Variants in SMOC2 observed in about 807,000 individuals in gnomAD.
SMOC2 encodes SPARC related modular calcium binding 2.
Under a neutral mutation model 61.4 loss-of-function variants are expected in SMOC2, and 39 were observed. The observed-to-expected ratio is 0.64, with a 90% CI of 0.49 to 0.83. The LOEUF is 0.83. SMOC2 is among the 40% of genes least tolerant of loss of function. The pLI, the probability that SMOC2 is intolerant of heterozygous loss-of-function variation, is 0.00. For synonymous variants in SMOC2, 247 were observed against 239.9 expected (o/e 1.03, Z -0.27); for missense variants, 556 against 592.9 (o/e 0.94, Z 0.65).
At chr6:168,562,345 C>T (rs1158704419) in intron 7 of SMOC2, among the ~76,000 whole-genome samples, 1,960 of 105,590 alleles carry the variant, frequency 0.019, no homozygotes, top group Non-Finnish European at 0.025. Context: ...ACTGTGTTCT[C>T]GGAGGAGGTG....
chr6:168,649,301 C>A (rs1787131922), intron 9 of SMOC2, among the ~76,000 whole-genome samples: 1 of 152,186 alleles, frequency 6.6e-6, no homozygotes, highest in Non-Finnish European at 1.5e-5. Context: ...GTGGTGTAAA[C>A]TCCCTTCCTG....
Position 168,608,164 on chromosome 6 carries a change from C to A in SMOC2, c.832C>A (p.Gln278Lys), listed in dbSNP as rs769226423. Reference sequence around the variant, plus strand: ...CCTTCCCCCCGCCCATAGGTACGAGCAGCCGAAATGTGACAACACGGCCAG... The same window carrying A: ...CCTTCCCCCCGCCCATAGGTACGAGAAGCCGAAATGTGACAACACGGCCAG... Reference protein sequence around the residue: ...PIPGTSTRYEQPKCDNTARAH... With the variant: ...PIPGTSTRYEKPKCDNTARAH... The change falls in exon 9 of 13, where the codon CAG becomes AAG. Residue 278 changes from glutamine (Q) to lysine (K), a missense_variant. Transcript: ENST00000356284. 4 of 1,613,582 alleles carry A rather than the reference C, an allele frequency of 2.5e-6. No homozygotes were observed. In the Admixed American group the frequency reaches 6.7e-5, roughly 27 times the overall value.
chr6:168,470,308 T>C (rs1781942179), intron 1 of SMOC2, among the ~76,000 whole-genome samples: 1 of 152,222 alleles, frequency 6.6e-6, no homozygotes, highest in African/African-American at 2.4e-5. Flanking sequence ...AATGAAAAAA[T>C]ACCTGTTGTT....
intron 7 of SMOC2, among the ~76,000 whole-genome samples, 191 bp from the exon 8 acceptor site, chr6:168,598,627 G>A (rs1785389084): frequency 6.6e-6 from 1 of 152,172 alleles, no homozygotes; most frequent in East Asian, 1.9e-4. Context: ...AGCAGCATGC[G>A]AGGCTGCGGG....
intron 4 of SMOC2, among the ~76,000 whole-genome samples, chr6:168,532,546 G>T (rs564572561): frequency 6.6e-6 from 1 of 151,062 alleles, no homozygotes; most frequent in African/African-American, 2.4e-5. Context: ...TCCAGTATTT[G>T]GATATAGCTT....
intron 1 of SMOC2, among the ~76,000 whole-genome samples, chr6:168,460,434 A>T (rs1781693868): frequency 6.6e-6 from 1 of 152,216 alleles, no homozygotes; most frequent in Admixed American, 6.5e-5. Context: ...TATAATGAGG[A>T]CATAAAACAT....
chr6:168,490,229 C>T (rs968583651), intron 1 of SMOC2, among the ~76,000 whole-genome samples: 1 of 149,898 alleles, frequency 6.7e-6, no homozygotes, highest in South Asian at 2.1e-4. Context: ...TGAAATATAT[C>T]GAATTGTCTG....
At chr6:168,613,467 G>A (rs9455674) in intron 9 of SMOC2, among the ~76,000 whole-genome samples, 28,819 of 152,126 alleles carry the variant, frequency 0.19, 2,862 homozygotes, top group South Asian at 0.28. Flanking sequence ...GAGCTCTTCC[G>A]CCTGGCACAC....
In SMOC2 at chr6:168,666,447, T is replaced by C. The variant is rs757418282; in HGVS notation, c.*9T>C. The C allele has an allele frequency of 3.7e-6, 6 of 1,613,930 alleles. No individual in the cohort carries two copies. The South Asian group carries it at 5.5e-5, about 15-fold the overall frequency. On this transcript the variant is annotated 3_prime_UTR_variant, in exon 13 of 13. Coordinates refer to ENST00000356284, the MANE Select transcript of SMOC2 (RefSeq NM_001166412.2). ...CAAGGAAACAAGGATAAATGGCTCA[T>C]ACCCCGAAGGCAGTTCCTAGACACA...
intron 9 of SMOC2, among the ~76,000 whole-genome samples, chr6:168,621,036 G>C (rs374086431): frequency 7.3e-5 from 11 of 151,126 alleles, no homozygotes; most frequent in African/African-American, 2.5e-4. Context: ...GAAACCCCTA[G>C]GATGTTTTCT....
intron 2 of SMOC2, among the ~76,000 whole-genome samples, chr6:168,522,495 G>A (rs1352263888): frequency 6.6e-6 from 1 of 152,142 alleles, no homozygotes; most frequent in Non-Finnish European, 1.5e-5. Flanking sequence ...CTGTTCAATA[G>A]AATATTATTC....
intron 7 of SMOC2, among the ~76,000 whole-genome samples, chr6:168,562,325 C>T (rs1472517870): frequency 4.4e-5 from 6 of 135,936 alleles, no homozygotes; most frequent in Non-Finnish European, 9.4e-5. Flanking sequence ...CCCTGAGACA[C>T]GAGGCTCTCA....
At chr6:168,647,953 A>C (rs1787086109) in intron 9 of SMOC2, among the ~76,000 whole-genome samples, 1 of 150,950 alleles carries the variant, frequency 6.6e-6, no homozygotes, top group Admixed American at 6.8e-5. Context: ...TGCACTAAAG[A>C]CTCCTGCAGC....
chr6:168,466,869 C>A (rs528365750), intron 1 of SMOC2, among the ~76,000 whole-genome samples: 24 of 152,276 alleles, frequency 1.6e-4, no homozygotes, highest in Non-Finnish European at 2.9e-4. Context: ...CCCGGTGGGG[C>A]GGTAAATCCC....
intron 12 of SMOC2, chr6:168,664,873 G>A (rs1257589671): frequency 2.1e-6 from 1 of 465,230 alleles, no homozygotes; most frequent in Non-Finnish European, 4.5e-6. Flanking sequence ...TTGCTGCCGC[G>A]AGTCAATTTG....
intron 7 of SMOC2, among the ~76,000 whole-genome samples, chr6:168,582,998 C>T (rs753834928): frequency 2.0e-5 from 3 of 152,168 alleles, no homozygotes; most frequent in South Asian, 2.1e-4. Flanking sequence ...CTCCGGCCTC[C>T]GTCACCTTCA....
chr6:168,526,066 C>T (rs1230988709), intron 2 of SMOC2, among the ~76,000 whole-genome samples: 1 of 152,236 alleles, frequency 6.6e-6, no homozygotes, highest in African/African-American at 2.4e-5. Flanking sequence ...AGGAGGCCTT[C>T]CTGGGCCTCA....
At chr6:168,613,616 G>A (rs1322685561) in intron 9 of SMOC2, among the ~76,000 whole-genome samples, 2 of 148,432 alleles carry the variant, frequency 1.3e-5, no homozygotes, top group African/African-American at 4.9e-5. Context: ...CACATCTACA[G>A]CCAGCACAGG....
At chr6:168,473,648 A>G (rs1225851846) in intron 1 of SMOC2, among the ~76,000 whole-genome samples, 1 of 152,150 alleles carries the variant, frequency 6.6e-6, no homozygotes, top group Non-Finnish European at 1.5e-5. Flanking sequence ...GAAACAGACC[A>G]AAACTTGAGA....
Sources: allele counts gnomAD v4.1 joint callset (sites outside exome capture counted in the v4.1 genomes callset), GRCh38; gene constraint gnomAD v4.1.1; transcripts MANE v1.5; gene names NCBI Gene and HGNC (gene_info 2026-07-23, HGNC 2026-07-21).